Variants in CSNK2A2IP observed in about 807,000 individuals in gnomAD.
CSNK2A2IP encodes the protein casein kinase II subunit alpha'-interacting protein.
chr3:88,380,293 G>A, the CSNK2A2IP span, among the ~76,000 whole-genome samples: 3 of 152,018 alleles, frequency 2.0e-5, no homozygotes, highest in East Asian at 5.8e-4. Context: ...GATGACTAAA[G>A]TACCAATGTT....
At chr3:88,443,582 G>T in the CSNK2A2IP span, among the ~76,000 whole-genome samples, 6 of 152,164 alleles carry the variant, frequency 3.9e-5, no homozygotes, top group East Asian at 1.2e-3. Flanking sequence ...TAAAGATAGA[G>T]AAACAGAAAT....
At chr3:88,385,639 A>G in the CSNK2A2IP span, among the ~76,000 whole-genome samples, 1 of 152,182 alleles carries the variant, frequency 6.6e-6, no homozygotes, top group Non-Finnish European at 1.5e-5. Context: ...ATTGGGAAAA[A>G]ATAAAAAGAA....
At chr3:88,359,526 A>C in the CSNK2A2IP span, among the ~76,000 whole-genome samples, 3 of 151,958 alleles carry the variant, frequency 2.0e-5, no homozygotes, top group Non-Finnish European at 4.4e-5. Context: ...TCCTGTCAGT[A>C]CTGCTTTGGC....
chr3:88,403,135 T>C, the CSNK2A2IP span, among the ~76,000 whole-genome samples: 2 of 152,080 alleles, frequency 1.3e-5, no homozygotes, highest in Admixed American at 1.3e-4. Context: ...TTTACCTATA[T>C]TCTTACCTAG....
At chr3:88,467,465 AATC>A in the CSNK2A2IP span, 3 of 398,536 alleles carry the variant, frequency 7.5e-6, no homozygotes, top group Non-Finnish European at 1.3e-5. Context: ...AATCGAAGCC[AATC>A]ATCATCTCTT....
chr3:88,460,039 C>T, the CSNK2A2IP span, among the ~76,000 whole-genome samples: 1 of 152,048 alleles, frequency 6.6e-6, no homozygotes, highest in Non-Finnish European at 1.5e-5. Flanking sequence ...TTTCATAGAA[C>T]AAACGGATAA....
chr3:88,394,903 G>C, the CSNK2A2IP span, among the ~76,000 whole-genome samples: 1 of 152,294 alleles, frequency 6.6e-6, no homozygotes, highest in East Asian at 1.9e-4. Flanking sequence ...TGGGAGGAGG[G>C]AGAGGAGCAG....
the CSNK2A2IP span, among the ~76,000 whole-genome samples, chr3:88,397,269 CA>C: frequency 6.6e-6 from 1 of 152,170 alleles, no homozygotes; most frequent in Non-Finnish European, 1.5e-5. Context: ...AGAAGTATGT[CA>C]AGACTATCCT....
chr3:88,436,952 C>G, the CSNK2A2IP span, among the ~76,000 whole-genome samples: 1 of 152,036 alleles, frequency 6.6e-6, no homozygotes, highest in South Asian at 2.1e-4. Context: ...AAAATGTGAG[C>G]AACATTGTCT....
chr3:88,353,387 A>T, the CSNK2A2IP span, among the ~76,000 whole-genome samples: 1 of 152,174 alleles, frequency 6.6e-6, no homozygotes, highest in Admixed American at 6.5e-5. Flanking sequence ...AATAAATTGG[A>T]TTTGTCCACC....
At chr3:88,450,400 T>C in the CSNK2A2IP span, among the ~76,000 whole-genome samples, 225 of 152,302 alleles carry the variant, frequency 1.5e-3, 1 homozygote, top group African/African-American at 5.1e-3. Flanking sequence ...ATTAGATTTG[T>C]AGACTTGCTA....
the CSNK2A2IP span, among the ~76,000 whole-genome samples, chr3:88,379,587 C>A: frequency 6.6e-6 from 1 of 151,898 alleles, no homozygotes; most frequent in African/African-American, 2.4e-5. Context: ...TCAACTCCAC[C>A]CTCTAGGTTT....
the CSNK2A2IP span, among the ~76,000 whole-genome samples, chr3:88,340,509 G>A: frequency 6.6e-6 from 1 of 151,828 alleles, no homozygotes. Flanking sequence ...GTATTCTTTA[G>A]TACCAAGATC....
the CSNK2A2IP span, among the ~76,000 whole-genome samples, chr3:88,350,823 A>C: frequency 6.6e-6 from 1 of 152,126 alleles, no homozygotes; most frequent in Non-Finnish European, 1.5e-5. Flanking sequence ...TCTTTACTAC[A>C]GAGGGTTGCT....
At chr3:88,346,219 A>C in the CSNK2A2IP span, among the ~76,000 whole-genome samples, 1 of 151,992 alleles carries the variant, frequency 6.6e-6, no homozygotes, top group Non-Finnish European at 1.5e-5. Flanking sequence ...AGATTCAAGG[A>C]AAGAAGCCGT....
the CSNK2A2IP span, among the ~76,000 whole-genome samples, chr3:88,341,869 G>C: frequency 6.6e-6 from 1 of 151,850 alleles, no homozygotes; most frequent in African/African-American, 2.4e-5. Context: ...TGAAAACAAT[G>C]GTGATGGTCT....
the CSNK2A2IP span, among the ~76,000 whole-genome samples, chr3:88,418,463 T>TGTGTGTGCGCGCGCGC: frequency 3.0e-4 from 45 of 149,626 alleles, no homozygotes; most frequent in East Asian, 1.4e-3. Context: ...TGTGTGTGTG[T>TGTGTGTGCGCGCGCGC]GCGCGCGGGC....
the CSNK2A2IP span, among the ~76,000 whole-genome samples, chr3:88,341,774 G>C: frequency 6.6e-6 from 1 of 151,832 alleles, no homozygotes; most frequent in Non-Finnish European, 1.5e-5. Context: ...TAAACTTTCG[G>C]AGAATCTGAA....
At chr3:88,380,318 GT>G in the CSNK2A2IP span, among the ~76,000 whole-genome samples, 588 of 152,058 alleles carry the variant, frequency 3.9e-3, 3 homozygotes, top group African/African-American at 0.014. Flanking sequence ...GAAATCAAGT[GT>G]TTGCAATTTA....
Sources: allele counts gnomAD v4.1 joint callset (sites outside exome capture counted in the v4.1 genomes callset), GRCh38; gene constraint gnomAD v4.1.1; transcripts MANE v1.5; gene names NCBI Gene and HGNC (gene_info 2026-07-23, HGNC 2026-07-21).